Variants in SPMIP2 observed in about 807,000 individuals in gnomAD.
SPMIP2 encodes protein SPMIP2.
the SPMIP2 span, among the ~76,000 whole-genome samples, chr4:159,074,593 C>A: frequency 6.6e-6 from 1 of 152,098 alleles, no homozygotes; most frequent in South Asian, 2.1e-4. Context: ...GTGAAGTTAT[C>A]CTTATTCTAA....
At chr4:158,939,449 T>C in the SPMIP2 span, among the ~76,000 whole-genome samples, 4 of 151,070 alleles carry the variant, frequency 2.6e-5, no homozygotes, top group Non-Finnish European at 5.9e-5. Flanking sequence ...CTCTCGAAAA[T>C]ATGAAAATTC....
chr4:159,071,464 T>G, the SPMIP2 span, among the ~76,000 whole-genome samples: 4 of 152,078 alleles, frequency 2.6e-5, no homozygotes, highest in Non-Finnish European at 5.9e-5. Context: ...TAATAAAAAT[T>G]CAAAACACCT....
chr4:159,077,117 C>T, the SPMIP2 span, among the ~76,000 whole-genome samples: 4 of 149,710 alleles, frequency 2.7e-5, no homozygotes, highest in Non-Finnish European at 4.4e-5. Flanking sequence ...ATTACAGGCG[C>T]GAGCCACTGC....
chr4:159,077,729 G>A, the SPMIP2 span, among the ~76,000 whole-genome samples: 3 of 152,154 alleles, frequency 2.0e-5, no homozygotes, highest in Non-Finnish European at 2.9e-5. Flanking sequence ...CGAACTCAGT[G>A]TTAAAGCATG....
the SPMIP2 span, among the ~76,000 whole-genome samples, chr4:159,055,048 C>G: frequency 6.6e-6 from 1 of 152,182 alleles, no homozygotes; most frequent in East Asian, 1.9e-4. Context: ...GTCCTAAAGA[C>G]GTCCTTTAAA....
chr4:158,933,925 C>G, the SPMIP2 span, among the ~76,000 whole-genome samples: 1 of 152,074 alleles, frequency 6.6e-6, no homozygotes, highest in Non-Finnish European at 1.5e-5. Context: ...ACACAAATGC[C>G]TGACTTTTTA....
the SPMIP2 span, among the ~76,000 whole-genome samples, chr4:159,022,580 C>T: frequency 6.6e-6 from 1 of 152,072 alleles, no homozygotes; most frequent in African/African-American, 2.4e-5. Flanking sequence ...ATGCAGGCTC[C>T]TAGGCCCCAA....
chr4:159,029,159 G>A, the SPMIP2 span, among the ~76,000 whole-genome samples: 1 of 152,244 alleles, frequency 6.6e-6, no homozygotes, highest in South Asian at 2.1e-4. Context: ...TTAGCAAATT[G>A]GTAGTAAAAC....
At chr4:158,984,089 A>G in the SPMIP2 span, among the ~76,000 whole-genome samples, 1 of 131,106 alleles carries the variant, frequency 7.6e-6, no homozygotes, top group African/African-American at 2.8e-5. Flanking sequence ...CAACAAGAAG[A>G]GCTATCTATC....
At chr4:159,015,976 C>T in the SPMIP2 span, among the ~76,000 whole-genome samples, 4 of 152,122 alleles carry the variant, frequency 2.6e-5, no homozygotes, top group South Asian at 2.1e-4. Context: ...TGGGTGATGC[C>T]GCCTTTCACT....
chr4:159,022,278 C>T, the SPMIP2 span, among the ~76,000 whole-genome samples: 20 of 152,348 alleles, frequency 1.3e-4, no homozygotes, highest in South Asian at 4.1e-3. Flanking sequence ...ATTATCCTGT[C>T]ACCAGTGCCG....
chr4:159,048,120 C>T, the SPMIP2 span, among the ~76,000 whole-genome samples: 1 of 152,138 alleles, frequency 6.6e-6, no homozygotes, highest in Non-Finnish European at 1.5e-5. Context: ...TTTCTCTAGG[C>T]CACCTGAACT....
the SPMIP2 span, among the ~76,000 whole-genome samples, chr4:159,061,053 C>G: frequency 2.0e-5 from 3 of 147,814 alleles, no homozygotes; most frequent in African/African-American, 7.5e-5. Flanking sequence ...CCACTGCACT[C>G]TAGCCTGGGC....
the SPMIP2 span, among the ~76,000 whole-genome samples, chr4:158,933,089 C>T: frequency 1.3e-5 from 2 of 152,130 alleles, no homozygotes; most frequent in East Asian, 1.9e-4. Flanking sequence ...CTGCAACCTC[C>T]ATCTTCTGGG....
the SPMIP2 span, among the ~76,000 whole-genome samples, chr4:159,077,297 C>A: frequency 6.6e-6 from 1 of 151,988 alleles, no homozygotes; most frequent in Non-Finnish European, 1.5e-5. Context: ...CAGGTGCCTG[C>A]CACCACGCCT....
At chr4:158,894,878 C>T in the SPMIP2 span, among the ~76,000 whole-genome samples, 2 of 152,208 alleles carry the variant, frequency 1.3e-5, no homozygotes, top group Non-Finnish European at 1.5e-5. Context: ...TTTTCCATGT[C>T]GTTGATCAGC....
the SPMIP2 span, among the ~76,000 whole-genome samples, chr4:158,896,962 A>C: frequency 6.6e-6 from 1 of 152,112 alleles, no homozygotes. Flanking sequence ...CGTCATCTAC[A>C]TTAGGTACTT....
At chr4:158,973,080 T>C in the SPMIP2 span, 1 of 1,548,412 alleles carries the variant, frequency 6.5e-7, no homozygotes, top group East Asian at 2.3e-5. Context: ...GAGCAATACC[T>C]TGATATGAAA....
the SPMIP2 span, among the ~76,000 whole-genome samples, chr4:158,932,040 A>G: frequency 1.1e-4 from 16 of 152,050 alleles, no homozygotes; most frequent in African/African-American, 3.6e-4. Context: ...CTGTAATTCC[A>G]GCACTTTGGG....
Sources: gnomAD v4.1 joint callset for allele counts (sites outside exome capture counted in the v4.1 genomes callset) on GRCh38, gnomAD v4.1.1 for gene constraint, MANE v1.5 for transcripts, NCBI Gene and HGNC (gene_info 2026-07-23, HGNC 2026-07-21) for gene names.